TCP11L2: variants seen among roughly 807,000 people sequenced by gnomAD.
TCP11L2 encodes t-complex 11 like 2.
Under a neutral mutation model 50.7 loss-of-function variants are expected in TCP11L2, and 39 were observed. That is an observed-to-expected ratio of 0.77 (90% confidence interval 0.60 to 1.01). The LOEUF is 1.01. Among genes scored for constraint, TCP11L2 ranks in the 50% least tolerant of loss-of-function variants. The probability of loss-of-function intolerance (pLI) is 0.00; values close to 1 mark genes in which losing one functional copy is unlikely to be tolerated. For synonymous variants in TCP11L2, 192 were observed against 219.3 expected, an observed-to-expected ratio of 0.88 and a Z score of 1.10; for missense variants, 612 against 614.7, an observed-to-expected ratio of 1.00 and a Z score of 0.05.
At chr12:106,318,240 G>T in intron 3 of TCP11L2, 104 bp from the exon 4 acceptor site, 1 of 1,334,172 alleles carries the variant, frequency 7.5e-7, no homozygotes, top group South Asian at 1.4e-5. Context: ...CAATTATTCT[G>T]TGTTTTTTTT....
At chr12:106,313,106 T>C (rs1193866202) in intron 2 of TCP11L2, among the ~76,000 whole-genome samples, 1 of 152,222 alleles carries the variant, frequency 6.6e-6, no homozygotes, top group Non-Finnish European at 1.5e-5. Flanking sequence ...CTATTTTACT[T>C]TTAATTATGT....
chr12:106,323,727 A>T, intron 6 of TCP11L2, 81 bp downstream of exon 6: 3 of 457,416 alleles, frequency 6.6e-6, no homozygotes, highest in South Asian at 9.7e-5. Context: ...ATTAAATTAA[A>T]TTAAATTAAA....
intron 9 of TCP11L2, 113 bp from the exon 10 acceptor site, chr12:106,346,173 G>T: frequency 8.8e-7 from 1 of 1,135,634 alleles, no homozygotes; most frequent in South Asian, 1.6e-5. Flanking sequence ...GCAGGGAGGG[G>T]TAAAGAATTG....
At chr12:106,328,502 C>A (rs1191637932) in intron 6 of TCP11L2, among the ~76,000 whole-genome samples, 1 of 152,196 alleles carries the variant, frequency 6.6e-6, no homozygotes, top group African/African-American at 2.4e-5. Flanking sequence ...CGAGATTGCG[C>A]CTCTGCACTC....
rs563660101 is a variant in TCP11L2 at position 106,323,873 on chromosome 12, C to G, written c.772+227C>G. The G allele has an allele frequency of 1.6e-3, 314 of 198,774 alleles. 2 individuals are homozygous for G. The highest frequency in any genetic ancestry group is 6.8e-3 in the African/African-American group (292 of 43,150). 12.3% of individuals were successfully genotyped at this position (198,774 alleles called of 1,614,324 possible). ...GTATCACTAAAGAATTTTGGCCTTT[C>G]TATTAAACATTTTTTTACCTTCCAA... On this transcript the variant is annotated intron_variant, in intron 6 of 9. Coordinates refer to ENST00000299045, the MANE Select transcript of TCP11L2 (RefSeq NM_152772.3).
At position 106,314,535 on chromosome 12, in the gene TCP11L2, CTGTGTGTGTGTG is replaced by C. The variant is rs55918458; in HGVS notation, c.293+73_293+84del. 352 of 707,300 alleles carry C rather than the reference CTGTGTGTGTGTG, an allele frequency of 5.0e-4. 2 individuals are homozygous for C. In the South Asian group the frequency reaches 6.5e-3, roughly 13 times the overall value. 43.8% of individuals were successfully genotyped at this position (707,300 alleles called of 1,614,324 possible). On this transcript the variant is annotated intron_variant, in intron 3 of 9. Coordinates refer to ENST00000299045, the MANE Select transcript of TCP11L2 (RefSeq NM_152772.3). ...TGTTGTATATAAACTGCTGAAGATT[CTGTGTGTGTGTG>C]TGTGTGTGTGTGTGTGTGTGTGTGT...
At chr12:106,310,044 A>G (rs960891725) in intron 1 of TCP11L2, among the ~76,000 whole-genome samples, 2 of 151,962 alleles carry the variant, frequency 1.3e-5, no homozygotes, top group Non-Finnish European at 2.9e-5. Context: ...GTGATACCAT[A>G]TTCACATCAA....
intron 3 of TCP11L2, among the ~76,000 whole-genome samples, chr12:106,317,371 C>T (rs2035130928): frequency 6.6e-6 from 1 of 152,170 alleles, no homozygotes; most frequent in African/African-American, 2.4e-5. Context: ...CAAAAATTAG[C>T]TGGGTGTGGC....
intron 4 of TCP11L2, 54 bp downstream of exon 4, chr12:106,318,518 A>T: frequency 6.2e-7 from 1 of 1,604,266 alleles, no homozygotes; most frequent in Non-Finnish European, 8.5e-7. Flanking sequence ...GTGGGCTGCT[A>T]TAACAGACTG....
intron 6 of TCP11L2, among the ~76,000 whole-genome samples, chr12:106,334,950 G>A (rs1007534326): frequency 1.3e-5 from 2 of 151,794 alleles, no homozygotes; most frequent in Non-Finnish European, 2.9e-5. Flanking sequence ...TAAAAAAAAA[G>A]AAAAGAAAGA....
intron 1 of TCP11L2, among the ~76,000 whole-genome samples, chr12:106,306,738 C>A (rs1361809119): frequency 6.6e-6 from 1 of 152,158 alleles, no homozygotes; most frequent in African/African-American, 2.4e-5. Context: ...TTGACAGATA[C>A]TATTTCAGTT....
chr12:106,315,178 GTGAGC>G (rs1249645038), intron 3 of TCP11L2, among the ~76,000 whole-genome samples: 2 of 152,092 alleles, frequency 1.3e-5, no homozygotes, highest in East Asian at 3.9e-4. Flanking sequence ...GGAGGTTTCA[GTGAGC>G]CGAGATCGCA....
At chr12:106,318,233 T>C in intron 3 of TCP11L2, 111 bp from the exon 4 acceptor site, 1 of 1,278,870 alleles carries the variant, frequency 7.8e-7, no homozygotes, top group African/African-American at 1.5e-5. Flanking sequence ...TTAAGGACAA[T>C]TATTCTGTGT....
intron 9 of TCP11L2, among the ~76,000 whole-genome samples, 163 bp from the exon 10 acceptor site, chr12:106,346,123 A>T (rs1481702610): frequency 6.6e-6 from 1 of 152,186 alleles, no homozygotes; most frequent in Non-Finnish European, 1.5e-5. Flanking sequence ...TCCAGCTTTG[A>T]TAGGAGGAAC....
chr12:106,346,308 G>A lies in TCP11L2; in HGVS notation c.1338G>A (p.Met446Ile). The A allele has an allele frequency of 6.2e-7, 1 of 1,611,614 alleles. No individual in the cohort carries two copies. The highest frequency in any genetic ancestry group is 8.5e-7 in the Non-Finnish European group (1 of 1,178,468). The change falls in exon 10 of 10, where the codon ATG becomes ATA. Residue 446 changes from methionine (M) to isoleucine (I), a missense_variant. Coordinates refer to ENST00000299045, the MANE Select transcript of TCP11L2 (RefSeq NM_152772.3). Reference sequence around the variant, plus strand: ...CAGATAAACGAATTAAGCTTTACATGAGAAGGCTACTTTGTCTTCCAAGCC... The same window carrying A: ...CAGATAAACGAATTAAGCTTTACATAAGAAGGCTACTTTGTCTTCCAAGCC... The part of the protein sequence containing the change: ...SLIDKRIKLY[M>I]RRLLCLPSPQ...
rs555659484 is a variant in TCP11L2, at chr12:106,321,845, A to C, written c.635+139A>C. ...CTAGAAGAAAACCATATAAGCAGAG[A>C]CCATGTCAATTATTTACTGTATGCA... is the stretch of plus-strand genomic sequence containing the variant. On this transcript the variant is annotated intron_variant, in intron 5 of 9. Coordinates refer to ENST00000299045, the MANE Select transcript of TCP11L2 (RefSeq NM_152772.3). 8.9e-5 allele frequency: 61 copies of C among 684,364 alleles called. No homozygotes were observed. The East Asian group carries it at 1.5e-3, about 17-fold the overall frequency. The allele number at this position is 684,364 out of a possible 1,614,324, so 42.4% of individuals were successfully genotyped here. A position where few individuals can be genotyped will look rare whatever the true frequency, so the allele number is the denominator to read the frequency against.
chr12:106,336,232 C>T lies in TCP11L2; in HGVS notation c.1142+19C>T, dbSNP rs1376973731. ...ACAAAGAGTAAGTTCCAAATTTTTG[C>T]ATCTGCTCCCTCTTGTATTAAGGCT... is the stretch of plus-strand genomic sequence containing the variant. On this transcript the variant is annotated intron_variant, in intron 8 of 9. Transcript: ENST00000299045. The T allele has an allele frequency of 2.5e-6, 4 of 1,595,324 alleles. No homozygotes were observed. Among genetic ancestry groups the T allele is most frequent in the Non-Finnish European group, 3.4e-6 (4 of 1,172,390 alleles).
chr12:106,321,409 C>G, intron 4 of TCP11L2, 77 bp from the exon 5 acceptor site: 6 of 1,287,816 alleles, frequency 4.7e-6, no homozygotes, highest in Non-Finnish European at 6.5e-6. Flanking sequence ...AGAGCTTGGT[C>G]ATCTAGACAC....
chr12:106,318,574 G>A, intron 4 of TCP11L2, 110 bp downstream of exon 4: 27 of 1,366,924 alleles, frequency 2.0e-5, no homozygotes, highest in Non-Finnish European at 2.6e-5. Flanking sequence ...ACTTCTCACA[G>A]TACTGGAGGC....
Sources: allele counts gnomAD v4.1 joint callset (sites outside exome capture counted in the v4.1 genomes callset), GRCh38; gene constraint gnomAD v4.1.1; transcripts MANE v1.5; gene names NCBI Gene and HGNC (gene_info 2026-07-23, HGNC 2026-07-21).